The following CATSPER3 variants were observed in gnomAD, a reference collection of about 807,000 sequenced individuals.
The protein encoded by CATSPER3 is cation channel sperm-associated protein 3.
A neutral mutation model predicts 36.6 loss-of-function variants in CATSPER3; 23 were observed. The ratio of observed to expected loss-of-function variants is 0.63; its 90% CI spans 0.45 to 0.89. The LOEUF (loss-of-function observed/expected upper bound fraction) is 0.89. CATSPER3 is among the 40% of genes least tolerant of loss of function. The pLI, the probability that CATSPER3 is intolerant of heterozygous loss-of-function variation, is 0.00. For missense variants in CATSPER3, 474 were observed against 503.9 expected, an observed-to-expected ratio of 0.94 and a Z score of 0.57; for synonymous variants, 172 against 184.1, an observed-to-expected ratio of 0.93 and a Z score of 0.53.
At chr5:134,995,245 CG>C (rs1751930453) in intron 2 of CATSPER3, among the ~76,000 whole-genome samples, 1 of 152,026 alleles carries the variant, frequency 6.6e-6, no homozygotes, top group Non-Finnish European at 1.5e-5. Flanking sequence ...TATTTCTTCT[CG>C]GTGTGTATTT....
chr5:134,990,635 T>C (rs549060506), intron 2 of CATSPER3, among the ~76,000 whole-genome samples: 4 of 152,372 alleles, frequency 2.6e-5, no homozygotes, highest in Admixed American at 1.3e-4. Context: ...TTGGAAATAC[T>C]GTGAGAATTA....
intron 2 of CATSPER3, among the ~76,000 whole-genome samples, chr5:134,979,485 C>G (rs1191606403): frequency 6.6e-6 from 1 of 152,160 alleles, no homozygotes; most frequent in Non-Finnish European, 1.5e-5. Flanking sequence ...AGGTGAAGGA[C>G]TGATGGAAGT....
intron 3 of CATSPER3, among the ~76,000 whole-genome samples, chr5:135,003,384 A>C (rs1340915716): frequency 6.6e-6 from 1 of 152,198 alleles, no homozygotes; most frequent in Admixed American, 6.5e-5. Flanking sequence ...CTTCCCAGTT[A>C]GGCTACTCGG....
chr5:134,971,723 C>A lies in CATSPER3; in HGVS notation c.252+1631C>A, dbSNP rs997494447. The stretch of plus-strand genomic sequence containing the variant: ...AGATGGTGTGAACTTTCAAAGCTGA[C>A]CAGCTAGAGGTCTTTTTAAAGACAG... On this transcript the variant is annotated intron_variant, in intron 2 of 7. Transcript: ENST00000282611. 2.0e-5 allele frequency among the ~76,000 whole-genome samples: 3 copies of A among 151,874 alleles called. No homozygotes were observed. In the East Asian group the frequency reaches 5.8e-4, roughly 29 times the overall value.
chr5:134,982,079 T>A (rs887551796), intron 2 of CATSPER3, among the ~76,000 whole-genome samples: 22 of 152,106 alleles, frequency 1.4e-4, no homozygotes, highest in African/African-American at 5.3e-4. Context: ...TCTAGGGGGA[T>A]TCAGTAACAG....
chr5:135,009,048 TC>T, intron 5 of CATSPER3, 67 bp downstream of exon 5: 1 of 1,607,248 alleles, frequency 6.2e-7, no homozygotes, highest in Non-Finnish European at 8.5e-7. Context: ...AGGGCAAGTC[TC>T]CAGGGAGGAC....
At chr5:134,983,638 A>G (rs1308348747) in intron 2 of CATSPER3, among the ~76,000 whole-genome samples, 1 of 152,226 alleles carries the variant, frequency 6.6e-6, no homozygotes, top group Non-Finnish European at 1.5e-5. Context: ...GGGTGGCTAT[A>G]CTAATATCAG....
chr5:134,992,791 C>T (rs1751894328), intron 2 of CATSPER3, among the ~76,000 whole-genome samples: 2 of 152,208 alleles, frequency 1.3e-5, no homozygotes, highest in Non-Finnish European at 2.9e-5. Flanking sequence ...GAAATTAGAA[C>T]TGCATTGCTT....
Position 134,970,004 on chromosome 5 carries a change from TTATGA to T in CATSPER3, c.166_170del (p.Met56Ter). On this transcript the variant is annotated frameshift_variant, in exon 2 of 8. Coordinates refer to ENST00000282611, the MANE Select transcript of CATSPER3 (RefSeq NM_178019.3). LOFTEE classifies it high-confidence loss of function. ...ATAATGAGCCGTTTCTTTAAGATAATTATGATTAGCACTGTCACATCGAATGCGTT... is the reference window on the plus strand; with the variant it reads ...ATAATGAGCCGTTTCTTTAAGATAATTTAGCACTGTCACATCGAATGCGTT... 1 of 1,614,066 alleles carries T rather than the reference TTATGA, an allele frequency of 6.2e-7. No homozygotes were observed. Among genetic ancestry groups the T allele is most frequent in the South Asian group, 1.1e-5 (1 of 91,074 alleles).
Position 134,999,549 on chromosome 5 carries a change from C to T in CATSPER3, c.492+3037C>T, listed in dbSNP as rs938744555. On this transcript the variant is annotated intron_variant, in intron 3 of 7. Transcript: ENST00000282611. ...ATTCTTCCTATCCATGAGCATGGAA[C>T]ATTCTTCCATTTGTTTGTATCCTCT... Among the ~76,000 whole-genome samples, 5 of 152,236 alleles carry T rather than the reference C, an allele frequency of 3.3e-5. No individual in the cohort carries two copies. In the East Asian group the frequency reaches 9.6e-4, roughly 29 times the overall value.
intron 3 of CATSPER3, among the ~76,000 whole-genome samples, chr5:135,000,110 T>C (rs547002200): frequency 6.6e-6 from 1 of 152,366 alleles, no homozygotes; most frequent in Non-Finnish European, 1.5e-5. Context: ...TGAGAGTTTT[T>C]AGCATGAAGG....
At chr5:135,007,300 G>A (rs767232119) in intron 3 of CATSPER3, among the ~76,000 whole-genome samples, 3 of 152,302 alleles carry the variant, frequency 2.0e-5, no homozygotes, top group South Asian at 4.1e-4. Context: ...TCTGTGAAAC[G>A]TCTAGGTAGG....
chr5:134,968,261 C>T, intron 1 of CATSPER3, 172 bp downstream of exon 1: 1 of 636,998 alleles, frequency 1.6e-6, no homozygotes. Context: ...CATGCTATTA[C>T]CTTTATGTGC....
At chr5:134,987,423 C>G (rs1288955893) in intron 2 of CATSPER3, among the ~76,000 whole-genome samples, 1 of 152,188 alleles carries the variant, frequency 6.6e-6, no homozygotes, top group Non-Finnish European at 1.5e-5. Flanking sequence ...AAGATTAACA[C>G]CAATTCTTCC....
chr5:135,003,658 G>T (rs957072511), intron 3 of CATSPER3, among the ~76,000 whole-genome samples: 1 of 152,202 alleles, frequency 6.6e-6, no homozygotes, highest in African/African-American at 2.4e-5. Context: ...AATGGCAGGC[G>T]CCCATCCCGC....
chr5:135,009,295 G>A (rs1222749717), intron 5 of CATSPER3, 76 bp from the exon 6 acceptor site: 2 of 1,497,744 alleles, frequency 1.3e-6, no homozygotes, highest in Non-Finnish European at 1.9e-6. Context: ...AGCGGTGCAA[G>A]ACTGGGGAAG....
At chr5:134,985,362 TGG>T (rs1751795812) in intron 2 of CATSPER3, among the ~76,000 whole-genome samples, 1 of 152,134 alleles carries the variant, frequency 6.6e-6, no homozygotes, top group Non-Finnish European at 1.5e-5. Context: ...CACTTATAAG[TGG>T]GAGCTAAACT....
rs1015415058 is a variant in CATSPER3, at chr5:135,007,992, C to G, written c.528C>G (p.Thr176=). 1.2e-6 allele frequency: 2 copies of G among 1,614,058 alleles called. No individual in the cohort carries two copies. Among genetic ancestry groups the G allele is most frequent in the African/African-American group, 2.7e-5 (2 of 74,936 alleles). ...CCGCCGTGGGGCAGACAGTCTACAC[C>G]GTGGCCTCTGTGCTCCTCCTGCTCT... ...LITAVGQTVY[T]VASVLLLLFL... The change falls in exon 4 of 8, where the codon ACC becomes ACG. Residue 176 remains threonine, a synonymous_variant. Transcript: ENST00000282611.
intron 2 of CATSPER3, among the ~76,000 whole-genome samples, chr5:134,994,480 A>G (rs769868757): frequency 6.6e-6 from 1 of 152,252 alleles, no homozygotes; most frequent in African/African-American, 2.4e-5. Context: ...CAATAACTTC[A>G]GAAAACAATT....
Sources: allele counts gnomAD v4.1 joint callset (sites outside exome capture counted in the v4.1 genomes callset), GRCh38; gene constraint gnomAD v4.1.1; transcripts MANE v1.5; gene names NCBI Gene and HGNC (gene_info 2026-07-23, HGNC 2026-07-21).